The following USH2A variants were observed in gnomAD, a reference collection of about 807,000 sequenced individuals.
USH2A encodes usherin.
Under a neutral mutation model 538.9 loss-of-function variants are expected in USH2A, and 443 were observed. That is an observed-to-expected ratio of 0.82 (90% CI 0.76 to 0.89). The LOEUF is 0.89. Ranked by LOEUF, USH2A falls within the 40% of genes least tolerant of loss-of-function variation. The pLI, the probability that USH2A is intolerant of heterozygous loss-of-function variation, is 0.00. For synonymous variants in USH2A, 2,413 were observed against 2,273.5 expected (o/e 1.06, Z -1.75); for missense variants, 6,633 against 6,324.8 (o/e 1.05, Z -1.65).
chr1:215,907,262 T>C (rs1241608821), intron 38 of USH2A, among the ~76,000 whole-genome samples: 1 of 152,014 alleles, frequency 6.6e-6, no homozygotes, highest in African/African-American at 2.4e-5. Context: ...AAAGTGCATA[T>C]GGTTGGTCAT....
intron 37 of USH2A, among the ~76,000 whole-genome samples, chr1:215,939,512 C>T (rs553088002): frequency 6.6e-6 from 1 of 151,824 alleles, no homozygotes; most frequent in Non-Finnish European, 1.5e-5. Flanking sequence ...ATATTAATGC[C>T]CCTTTTCTGA....
chr1:215,973,986 G>A (rs1161831602), intron 35 of USH2A, among the ~76,000 whole-genome samples: 4 of 138,090 alleles, frequency 2.9e-5, no homozygotes, highest in East Asian at 4.3e-4. Context: ...AGAGTTACCC[G>A]GCATCCTGTA....
chr1:216,057,332 C>T (rs532107940), intron 30 of USH2A, among the ~76,000 whole-genome samples: 13 of 152,070 alleles, frequency 8.5e-5, no homozygotes, highest in African/African-American at 1.4e-4. Context: ...GCCATATTTT[C>T]GTCCTGTGAA....
At chr1:216,171,268 G>T (rs1244254804) in intron 21 of USH2A, among the ~76,000 whole-genome samples, 1 of 152,016 alleles carries the variant, frequency 6.6e-6, no homozygotes, top group South Asian at 2.1e-4. Flanking sequence ...TATGTTCACA[G>T]AATTGGAATT....
intron 13 of USH2A, among the ~76,000 whole-genome samples, chr1:216,232,802 C>T (rs2035727259): frequency 6.6e-6 from 1 of 152,148 alleles, no homozygotes; most frequent in Non-Finnish European, 1.5e-5. Context: ...ATACTTCAAA[C>T]TAGATGCTAC....
At chr1:216,405,029 C>A (rs1200701851) in intron 3 of USH2A, among the ~76,000 whole-genome samples, 4 of 151,994 alleles carry the variant, frequency 2.6e-5, no homozygotes, top group African/African-American at 7.2e-5. Context: ...CACACAGCAC[C>A]ATGCCCAGCC....
At position 216,097,066 on chromosome 1, in the gene USH2A, T is replaced by C; in HGVS notation, c.4758+17A>G. On this transcript the variant is annotated intron_variant, in intron 22 of 71. Transcript: ENST00000307340. ...CTAAATTCTTAAAAATATTAAAGTTTATGATTTCTCATTTACCTGAGGATC... is the reference window on the plus strand; with the variant it reads ...CTAAATTCTTAAAAATATTAAAGTTCATGATTTCTCATTTACCTGAGGATC... The C allele has an allele frequency of 1.2e-6, 2 of 1,609,796 alleles. No homozygotes were observed. The highest frequency in any genetic ancestry group is 8.5e-7 in the Non-Finnish European group (1 of 1,177,484).
At chr1:216,232,443 CCAG>C (rs2035718027) in intron 13 of USH2A, among the ~76,000 whole-genome samples, 1 of 152,166 alleles carries the variant, frequency 6.6e-6, no homozygotes, top group African/African-American at 2.4e-5. Context: ...ACAGATATTA[CCAG>C]TCATTCAGTT....
At chr1:215,956,235 C>G (rs1212836492) in intron 37 of USH2A, among the ~76,000 whole-genome samples, 1 of 152,140 alleles carries the variant, frequency 6.6e-6, no homozygotes, top group Non-Finnish European at 1.5e-5. Flanking sequence ...CAACACTAGA[C>G]AGGCATATCA....
At chr1:215,715,914 T>TATTAC (rs1659469177) in intron 61 of USH2A, among the ~76,000 whole-genome samples, 1 of 152,240 alleles carries the variant, frequency 6.6e-6, no homozygotes, top group Admixed American at 6.5e-5. Context: ...ACCATATGGC[T>TATTAC]CAATTTGTGT....
In USH2A at chr1:216,072,877, A is replaced by G. The variant is rs774860004; in HGVS notation, c.5857+12T>C. The G allele has an allele frequency of 1.2e-6, 2 of 1,611,302 alleles. No homozygotes were observed. The highest frequency in any genetic ancestry group is 1.7e-6 in the Non-Finnish European group (2 of 1,177,556). ...TGTGTGTGCACATATGCATTTGAAG[A>G]TAAGTATTTACCTGCTCCTGTTGTA... On this transcript the variant is annotated intron_variant, in intron 29 of 71. Coordinates refer to ENST00000307340, the MANE Select transcript of USH2A (RefSeq NM_206933.4).
At chr1:216,394,965 G>T (rs1241765658) in intron 3 of USH2A, among the ~76,000 whole-genome samples, 1 of 151,912 alleles carries the variant, frequency 6.6e-6, no homozygotes, top group Admixed American at 6.6e-5. Context: ...TGATCCAGCC[G>T]CCTCGGCCTC....
intron 9 of USH2A, among the ~76,000 whole-genome samples, chr1:216,306,948 T>C (rs965734631): frequency 1.1e-4 from 17 of 152,170 alleles, no homozygotes; most frequent in African/African-American, 4.1e-4. Flanking sequence ...GGGAGTGAAG[T>C]AGACTCTGTG....
intron 44 of USH2A, among the ~76,000 whole-genome samples, chr1:215,849,640 T>A (rs1163312814): frequency 6.6e-6 from 1 of 152,138 alleles, no homozygotes; most frequent in Non-Finnish European, 1.5e-5. Flanking sequence ...AATACAGTTT[T>A]CTCCAAAATA....
intron 52 of USH2A, among the ~76,000 whole-genome samples, chr1:215,785,139 T>C (rs994192323): frequency 6.6e-6 from 1 of 152,194 alleles, no homozygotes; most frequent in African/African-American, 2.4e-5. Context: ...AAAAATGCCC[T>C]ATTCATAAGG....
intron 34 of USH2A, 39 bp from the exon 35 acceptor site, chr1:215,993,206 C>A: frequency 1.2e-6 from 2 of 1,613,720 alleles, no homozygotes; most frequent in East Asian, 2.2e-5. Flanking sequence ...CACTCTTGGT[C>A]CCAAAAGTTT....
intron 43 of USH2A, among the ~76,000 whole-genome samples, chr1:215,870,283 T>C (rs1200157174): frequency 2.7e-5 from 4 of 149,008 alleles, no homozygotes; most frequent in Non-Finnish European, 3.0e-5. Flanking sequence ...TTTTTTTATT[T>C]TTTATTTTTT....
intron 40 of USH2A, among the ~76,000 whole-genome samples, chr1:215,895,498 T>C (rs1665313306): frequency 6.6e-6 from 1 of 152,232 alleles, no homozygotes; most frequent in African/African-American, 2.4e-5. Context: ...AAGCATGTTC[T>C]GTTAGATCTA....
chr1:215,971,997 T>A (rs1667504054), intron 35 of USH2A, among the ~76,000 whole-genome samples: 1 of 152,080 alleles, frequency 6.6e-6, no homozygotes, highest in Non-Finnish European at 1.5e-5. Context: ...TAATGAAAGG[T>A]GGTGAAAAGT....
Sources: gnomAD v4.1 joint callset for allele counts (sites outside exome capture counted in the v4.1 genomes callset) on GRCh38, gnomAD v4.1.1 for gene constraint, MANE v1.5 for transcripts, NCBI Gene and HGNC (gene_info 2026-07-23, HGNC 2026-07-21) for gene names.